TNR: variants seen among roughly 807,000 people sequenced by gnomAD.
The protein encoded by TNR is tenascin R, also known as tenascin-R.
A neutral mutation model predicts 150.4 loss-of-function variants in TNR; 45 were observed. That is an observed-to-expected ratio of 0.30 (90% CI 0.24 to 0.38). The LOEUF (loss-of-function observed/expected upper bound fraction) is 0.38. Among genes scored for constraint, TNR ranks in the 10% least tolerant of loss-of-function variants. The pLI is 1.00. For synonymous variants in TNR, 687 were observed against 678.4 expected (o/e 1.01, Z -0.20); for missense variants, 1,544 against 1,759.1 (o/e 0.88, Z 2.19).
intron 1 of TNR, among the ~76,000 whole-genome samples, chr1:175,588,839 C>A (rs1662680231): frequency 6.6e-6 from 1 of 152,180 alleles, no homozygotes; most frequent in Non-Finnish European, 1.5e-5. Context: ...CAAACCTAAT[C>A]TCCTCAATTC....
At chr1:175,549,700 G>A (rs1055314574) in intron 1 of TNR, among the ~76,000 whole-genome samples, 2 of 152,206 alleles carry the variant, frequency 1.3e-5, no homozygotes, top group African/African-American at 2.4e-5. Flanking sequence ...CTCTGTTGCT[G>A]AGTGGAGGTG....
chr1:175,483,861 G>T (rs948201205), intron 2 of TNR, among the ~76,000 whole-genome samples: 2 of 152,150 alleles, frequency 1.3e-5, no homozygotes, highest in African/African-American at 2.4e-5. Context: ...ACTCTGCCAG[G>T]TGCACTGTCA....
At chr1:175,510,204 G>A (rs564126450) in intron 2 of TNR, among the ~76,000 whole-genome samples, 2 of 152,202 alleles carry the variant, frequency 1.3e-5, no homozygotes, top group South Asian at 2.1e-4. Flanking sequence ...ACTCCAGCCC[G>A]GATGACAGAG....
chr1:175,447,194 T>G (rs1240208049), intron 2 of TNR, among the ~76,000 whole-genome samples: 1 of 140,444 alleles, frequency 7.1e-6, no homozygotes, highest in African/African-American at 2.7e-5. Flanking sequence ...GAAGTAGGGG[T>G]GGTATGGAGT....
intron 1 of TNR, among the ~76,000 whole-genome samples, chr1:175,677,070 G>A (rs750741515): frequency 6.6e-6 from 1 of 152,232 alleles, no homozygotes; most frequent in Non-Finnish European, 1.5e-5. Context: ...CCAGGGGAAT[G>A]CTTTTTCTAC....
chr1:175,320,989 A>C lies in TNR; in HGVS notation c.*2368T>G, dbSNP rs1275701462. 6.6e-6 allele frequency: 1 copy of C among 152,138 alleles called. No homozygotes were observed. Among genetic ancestry groups the C allele is most frequent in the African/African-American group, 2.4e-5 (1 of 41,434 alleles). The allele number at this position is 152,138 out of a possible 1,614,324, so 9.4% of individuals were successfully genotyped here. On this transcript the variant is annotated 3_prime_UTR_variant, in exon 23 of 23. Coordinates refer to ENST00000367674, the MANE Select transcript of TNR (RefSeq NM_003285.3). ...TAATCTCTCATCTGACAGATGAAGAAACTGGCCCAGAGAGGTGAAACAACC... is the reference window on the plus strand; with the variant it reads ...TAATCTCTCATCTGACAGATGAAGACACTGGCCCAGAGAGGTGAAACAACC...
At chr1:175,738,888 A>G (rs1253623736) in intron 1 of TNR, among the ~76,000 whole-genome samples, 1 of 152,210 alleles carries the variant, frequency 6.6e-6, no homozygotes, top group Non-Finnish European at 1.5e-5. Context: ...AGGAAATCTC[A>G]TCTTTATTAG....
At chr1:175,677,396 G>A (rs1371850332) in intron 1 of TNR, among the ~76,000 whole-genome samples, 1 of 152,174 alleles carries the variant, frequency 6.6e-6, no homozygotes, top group Non-Finnish European at 1.5e-5. Flanking sequence ...TGGAGGCAAA[G>A]TGATCCTCTG....
intron 2 of TNR, among the ~76,000 whole-genome samples, chr1:175,518,125 G>T (rs1311764309): frequency 6.6e-6 from 1 of 152,100 alleles, no homozygotes; most frequent in Non-Finnish European, 1.5e-5. Flanking sequence ...ATATTACATT[G>T]AAATATAATA....
At chr1:175,522,485 T>C (rs1264129889) in intron 2 of TNR, among the ~76,000 whole-genome samples, 3 of 152,064 alleles carry the variant, frequency 2.0e-5, no homozygotes, top group African/African-American at 4.8e-5. Flanking sequence ...TGCCCCAAAA[T>C]CTCACAAATC....
At chr1:175,472,369 G>A (rs1237133401) in intron 2 of TNR, among the ~76,000 whole-genome samples, 1 of 152,008 alleles carries the variant, frequency 6.6e-6, no homozygotes, top group Non-Finnish European at 1.5e-5. Context: ...TAAGCAGAAG[G>A]AGTACACTCT....
At chr1:175,396,437 A>G in intron 5 of TNR, 107 bp downstream of exon 5, 2 of 1,394,908 alleles carry the variant, frequency 1.4e-6, no homozygotes, top group Non-Finnish European at 9.8e-7. Context: ...GGCAATAACT[A>G]TTCCAGGCAT....
intron 8 of TNR, among the ~76,000 whole-genome samples, chr1:175,380,496 G>A (rs748507600): frequency 3.3e-5 from 5 of 150,722 alleles, no homozygotes; most frequent in African/African-American, 7.3e-5. Context: ...GTGTGAACCC[G>A]GGAGGCGGAG....
intron 1 of TNR, among the ~76,000 whole-genome samples, chr1:175,576,972 A>C (rs1400599435): frequency 6.6e-6 from 1 of 152,156 alleles, no homozygotes; most frequent in African/African-American, 2.4e-5. Flanking sequence ...TAATATAAAG[A>C]CCCTGGTAAT....
At chr1:175,481,343 T>C (rs1657802319) in intron 2 of TNR, among the ~76,000 whole-genome samples, 1 of 152,206 alleles carries the variant, frequency 6.6e-6, no homozygotes, top group Non-Finnish European at 1.5e-5. Context: ...CCAACATCTG[T>C]ACCTGAAAGG....
intron 18 of TNR, among the ~76,000 whole-genome samples, chr1:175,343,730 C>A (rs776716394): frequency 1.3e-4 from 20 of 152,142 alleles, no homozygotes; most frequent in Non-Finnish European, 2.9e-4. Flanking sequence ...GCCATGTGAG[C>A]ACTATATCCT....
chr1:175,687,585 G>A (rs1666241934), intron 1 of TNR, among the ~76,000 whole-genome samples: 1 of 151,920 alleles, frequency 6.6e-6, no homozygotes, highest in African/African-American at 2.4e-5. Flanking sequence ...AACCTTTCTA[G>A]ACATAGTTAA....
chr1:175,587,785 G>C (rs1662633485), intron 1 of TNR, among the ~76,000 whole-genome samples: 1 of 152,198 alleles, frequency 6.6e-6, no homozygotes, highest in Admixed American at 6.5e-5. Context: ...TTAATGTGCA[G>C]AAGGGTTGAA....
In TNR at chr1:175,406,561, C is replaced by A. The variant is rs544047962; in HGVS notation, c.154G>T (p.Ala52Ser). The change falls in exon 3 of 23, where the codon GCC becomes TCC. Residue 52 changes from alanine (A) to serine (S), a missense_variant. By Grantham distance (99) the Ala-to-Ser change is moderately conservative. Coordinates refer to ENST00000367674, the MANE Select transcript of TNR (RefSeq NM_003285.3). ...RQSVEEEGGI[A>S]NYNTSSKEQP... ...TCTTTGCTGGATGTGTTGTAGTTGG[C>A]AATGCCTCCCTCCTCCTCCACTGAC... 1.2e-6 allele frequency: 2 copies of A among 1,614,208 alleles called. No individual in the cohort carries two copies. The highest frequency in any genetic ancestry group is 2.7e-5 in the African/African-American group (2 of 75,050).
Sources: allele counts gnomAD v4.1 joint callset (sites outside exome capture counted in the v4.1 genomes callset), GRCh38; gene constraint gnomAD v4.1.1; transcripts MANE v1.5; gene names NCBI Gene and HGNC (gene_info 2026-07-23, HGNC 2026-07-21).